PCDH7: variants seen among roughly 807,000 people sequenced by gnomAD.
PCDH7 encodes the protein protocadherin-7.
In PCDH7, 17 loss-of-function variants were observed where a neutral mutation model predicts 58.9. The ratio of observed to expected loss-of-function variants is 0.29; its 90% CI spans 0.20 to 0.43. The LOEUF is 0.43. Ranked by LOEUF, PCDH7 falls within the 20% of genes least tolerant of loss-of-function variation. PCDH7 has a pLI of 1.00. For synonymous variants in PCDH7, 664 were observed against 616.4 expected, an observed-to-expected ratio of 1.08 and a Z score of -1.14; for missense variants, 1,274 against 1,441.0, an observed-to-expected ratio of 0.88 and a Z score of 1.88.
chr4:30,773,384 C>T (rs576023395), intron 1 of PCDH7, among the ~76,000 whole-genome samples: 21 of 152,228 alleles, frequency 1.4e-4, no homozygotes, highest in Non-Finnish European at 2.5e-4. Context: ...GTTGATCAGA[C>T]GAAAACACCT....
intron 3 of PCDH7, among the ~76,000 whole-genome samples, chr4:30,998,894 A>T (rs1752125862): frequency 6.6e-6 from 1 of 152,190 alleles, no homozygotes; most frequent in African/African-American, 2.4e-5. Context: ...GGAAGCTGTC[A>T]TTGGAATGGA....
At chr4:31,006,406 T>C (rs1752770157) in intron 3 of PCDH7, among the ~76,000 whole-genome samples, 1 of 152,174 alleles carries the variant, frequency 6.6e-6, no homozygotes. Flanking sequence ...AGACCATAGT[T>C]AAAGGATGCT....
chr4:30,831,170 C>T (rs935180456), intron 1 of PCDH7, among the ~76,000 whole-genome samples: 15 of 152,088 alleles, frequency 9.9e-5, no homozygotes, highest in Non-Finnish European at 7.4e-5. Flanking sequence ...TATGATGCTT[C>T]CACATCCTCT....
intron 1 of PCDH7, among the ~76,000 whole-genome samples, chr4:30,906,968 A>T (rs1741024247): frequency 6.6e-6 from 1 of 152,120 alleles, no homozygotes; most frequent in South Asian, 2.1e-4. Context: ...GGTTGCAGTG[A>T]CCCAAGATCA....
At position 30,894,463 on chromosome 4, in the gene PCDH7, G is replaced by GGAAA. The variant is rs1393250151; in HGVS notation, c.71-25690_71-25689insGAAA. On this transcript the variant is annotated intron_variant, in intron 1 of 3. Transcript: ENST00000509759. ...TGGTCTGGAGACCAGTTTCATTCAGGAAAAAAAAAAAAAAAAAAAAAAAAA... is the reference window on the plus strand; with the variant it reads ...TGGTCTGGAGACCAGTTTCATTCAGGGAAAAAAAAAAAAAAAAAAAAAAAAAAAA... Among the ~76,000 whole-genome samples the GGAAA allele has an allele frequency of 2.3e-4, 3 of 13,036 alleles. 1 individual carries two copies. The highest frequency in any genetic ancestry group is 8.3e-4 in the African/African-American group (3 of 3,626). The allele number at this position is 13,036 out of a possible 152,430, so 8.6% of individuals were successfully genotyped here. A position where few individuals can be genotyped will look rare whatever the true frequency, so the allele number is the denominator to read the frequency against.
intron 1 of PCDH7, among the ~76,000 whole-genome samples, chr4:30,807,241 A>G (rs971389600): frequency 6.6e-6 from 1 of 152,252 alleles, no homozygotes; most frequent in Non-Finnish European, 1.5e-5. Context: ...TTTTATTAAT[A>G]AGGTTAATAT....
Position 31,047,730 on chromosome 4 carries a change from C to T in PCDH7, c.*8-94743C>T, listed in dbSNP as rs144909344. Among the ~76,000 whole-genome samples the T allele has an allele frequency of 2.6e-4, 39 of 152,114 alleles. No homozygotes were observed. The East Asian group carries it at 4.8e-3, about 19-fold the overall frequency. ...AAGTTTGTCATATTTAATTAGCTCGCTCTCATAATTGTGAAGATAAGTATA... is the reference window on the plus strand; with the variant it reads ...AAGTTTGTCATATTTAATTAGCTCGTTCTCATAATTGTGAAGATAAGTATA... On this transcript the variant is annotated intron_variant, in intron 3 of 3. Transcript: ENST00000509759.
chr4:30,955,613 A>G (rs1479614938), intron 3 of PCDH7, among the ~76,000 whole-genome samples: 3 of 151,698 alleles, frequency 2.0e-5, no homozygotes, highest in African/African-American at 7.3e-5. Flanking sequence ...CAGTGGCGCA[A>G]TCTCAGCTCA....
chr4:31,142,585 G>T (rs367895100), exon 4 of PCDH7: 140 of 1,367,654 alleles, frequency 1.0e-4, no homozygotes, highest in Non-Finnish European at 1.3e-4. Context: ...CGGAGAGGAA[G>T]AAGAGCCAGC....
At chr4:30,793,222 G>T (rs113910670) in intron 1 of PCDH7, among the ~76,000 whole-genome samples, 28 of 152,178 alleles carry the variant, frequency 1.8e-4, no homozygotes, top group African/African-American at 6.0e-4. Context: ...CCAAGGAGAA[G>T]GCAAACACAG....
At chr4:30,783,011 T>C (rs1722984934) in intron 1 of PCDH7, 1 of 152,162 alleles carries the variant, frequency 6.6e-6, no homozygotes. Context: ...TCTATACAAC[T>C]GTCACAGTAA....
rs139772541 is a variant in PCDH7 at position 30,817,921 on chromosome 4, G to A, written c.70+93325G>A. Among the ~76,000 whole-genome samples, 319 of 151,832 alleles carry A rather than the reference G, an allele frequency of 2.1e-3. 2 individuals carry two copies. Among genetic ancestry groups the A allele is most frequent in the African/African-American group, 7.1e-3 (292 of 41,382 alleles). On this transcript the variant is annotated intron_variant, in intron 1 of 3. Transcript: ENST00000509759. ...TGCCTCCAGAGATTTTTTTCATCTCGTCCAAGTTAAAGCCAAAAGCTTCAA... is the reference window on the plus strand; with the variant it reads ...TGCCTCCAGAGATTTTTTTCATCTCATCCAAGTTAAAGCCAAAAGCTTCAA...
intron 1 of PCDH7, among the ~76,000 whole-genome samples, chr4:30,810,414 A>T (rs1726818949): frequency 7.7e-6 from 1 of 130,502 alleles, no homozygotes; most frequent in African/African-American, 3.3e-5. Context: ...ACTTAATATA[A>T]TACATTTCAT....
At chr4:30,872,432 T>G (rs1735740446) in intron 1 of PCDH7, among the ~76,000 whole-genome samples, 1 of 152,090 alleles carries the variant, frequency 6.6e-6, no homozygotes, top group Admixed American at 6.6e-5. Context: ...AAAGTTTTAT[T>G]TTATTGAATT....
chr4:30,927,981 AT>A (rs1313386808), intron 2 of PCDH7, among the ~76,000 whole-genome samples: 5 of 151,910 alleles, frequency 3.3e-5, no homozygotes, highest in African/African-American at 1.2e-4. Context: ...TCTTTTTTTT[AT>A]TTTTATTTTT....
At chr4:30,737,407 C>T (rs147593324), downstream of PCDH7, among the ~76,000 whole-genome samples, 8 of 152,258 alleles carry the variant, frequency 5.3e-5, no homozygotes, top group African/African-American at 1.7e-4. Flanking sequence ...AATGTCAACA[C>T]TTTGAGAGGC....
At chr4:30,865,782 C>T (rs1036122631) in intron 1 of PCDH7, among the ~76,000 whole-genome samples, 4 of 152,036 alleles carry the variant, frequency 2.6e-5, no homozygotes, top group Admixed American at 6.6e-5. Flanking sequence ...ACAGTTGACT[C>T]TTAAGAACCA....
chr4:30,928,866 A>G (rs536597903), intron 2 of PCDH7, among the ~76,000 whole-genome samples: 1 of 152,120 alleles, frequency 6.6e-6, no homozygotes, highest in South Asian at 2.1e-4. Flanking sequence ...TATTTTTCTA[A>G]TTGAGTTACT....
chr4:30,968,376 C>CTATATA (rs60085619), intron 3 of PCDH7, among the ~76,000 whole-genome samples: 1,084 of 66,844 alleles, frequency 0.016, 21 homozygotes, highest in Non-Finnish European at 0.021. Flanking sequence ...TATACACACA[C>CTATATA]TATATATATA....
Sources: allele counts gnomAD v4.1 joint callset (sites outside exome capture counted in the v4.1 genomes callset), GRCh38; gene constraint gnomAD v4.1.1; transcripts MANE v1.5; gene names NCBI Gene and HGNC (gene_info 2026-07-23, HGNC 2026-07-21).